Variants in PLCG2 observed in about 807,000 individuals in gnomAD.
The protein encoded by PLCG2 is phospholipase C gamma 2.
Under a neutral mutation model 175.6 loss-of-function variants are expected in PLCG2, and 69 were observed. That is an observed-to-expected ratio of 0.39 (90% confidence interval 0.32 to 0.48). PLCG2 has a LOEUF of 0.48. PLCG2 is among the 20% of genes least tolerant of loss of function. PLCG2 has a pLI of 0.91. For missense variants in PLCG2, 1,798 were observed against 1,650.9 expected (o/e 1.09, Z -1.54); for synonymous variants, 827 against 624.0 (o/e 1.33, Z -4.85).
chr16:81,953,873 G>A (rs1295891352), intron 31 of PLCG2, among the ~76,000 whole-genome samples: 1 of 152,130 alleles, frequency 6.6e-6, no homozygotes, highest in Non-Finnish European at 1.5e-5. Flanking sequence ...AGTTATAGAA[G>A]CATTCATAGA....
chr16:81,907,043 A>C (rs1909402520), intron 15 of PLCG2, among the ~76,000 whole-genome samples: 2 of 151,872 alleles, frequency 1.3e-5, no homozygotes, highest in East Asian at 1.9e-4. Flanking sequence ...TCTCAAAAAA[A>C]AAAAAAAAAA....
At chr16:81,940,457 T>C (rs1439852139) in intron 30 of PLCG2, among the ~76,000 whole-genome samples, 2 of 151,532 alleles carry the variant, frequency 1.3e-5, no homozygotes, top group East Asian at 3.9e-4. Context: ...TTTGGCATCT[T>C]GGGGGGGGAG....
At position 81,905,496 on chromosome 16, in the gene PLCG2, T is replaced by C; in HGVS notation, c.1456T>C (p.Ser486Pro). The stretch of plus-strand genomic sequence containing the variant: ...ACAGGGGGAGCTGTACATGTGGGAT[T>C]CCATTGACCAGGTGGGCCTTGGTCC... ...KQQGELYMWDSIDQKWTRHYC... is the reference protein window; with the variant it reads ...KQQGELYMWDPIDQKWTRHYC... The change falls in exon 15 of 33, where the codon TCC becomes CCC. Residue 486 changes from serine to proline, a missense_variant. Coordinates refer to ENST00000564138, the MANE Select transcript of PLCG2 (RefSeq NM_002661.5). The C allele has an allele frequency of 6.2e-7, 1 of 1,613,600 alleles. No individual in the cohort carries two copies. The highest frequency in any genetic ancestry group is 1.1e-5 in the South Asian group (1 of 91,050).
At chr16:81,862,918 A>C (rs55909816) in intron 5 of PLCG2, among the ~76,000 whole-genome samples, 51,971 of 151,796 alleles carry the variant, frequency 0.34, 10,148 homozygotes, top group Non-Finnish European at 0.46. Context: ...CGAAAATAAA[A>C]ACAATTGTGC....
intron 2 of PLCG2, among the ~76,000 whole-genome samples, chr16:81,801,772 C>T (rs1035829500): frequency 3.9e-5 from 6 of 152,042 alleles, no homozygotes; most frequent in South Asian, 4.1e-4. Context: ...CCTCCGCCTC[C>T]AGGGTTCAAG....
intron 1 of PLCG2, among the ~76,000 whole-genome samples, chr16:81,780,364 C>T (rs1040447947): frequency 2.0e-5 from 3 of 152,172 alleles, no homozygotes; most frequent in Non-Finnish European, 4.4e-5. Context: ...CGCTGAGAAT[C>T]GGGGCGCATC....
rs962152757 is a variant in PLCG2 at position 81,889,264 on chromosome 16, T to G, written c.858T>G (p.Phe286Leu). 9 of 1,589,934 alleles carry G rather than the reference T, an allele frequency of 5.7e-6. No individual in the cohort carries two copies. Among genetic ancestry groups the G allele is most frequent in the African/African-American group, 1.3e-5 (1 of 74,144 alleles). Reference protein sequence around the residue: ...TMRETAEPFLFVDEFLTYLFS... With the variant: ...TMRETAEPFLLVDEFLTYLFS... ...GTGAAACTGCTGAGCCTTTCTTGTT[T>G]GTGGATGAGGTGAGTAGGCTGGGCT... Residue 286 changes from phenylalanine (F) to leucine (L), a missense_variant, in exon 10 of 33, where the codon TTT (phenylalanine) becomes TTG (leucine). Phe to Leu is a conservative substitution (Grantham distance 22). Transcript: ENST00000564138.
At chr16:81,755,546 GAC>G (rs891423814) in intron 1 of PLCG2, among the ~76,000 whole-genome samples, 1 of 151,290 alleles carries the variant, frequency 6.6e-6, no homozygotes, top group African/African-American at 2.4e-5. Context: ...TATTTTTTGA[GAC>G]AGAGTTTCAC....
intron 30 of PLCG2, 142 bp downstream of exon 30, chr16:81,940,201 G>GGTGC (rs1260026286): frequency 1.5e-6 from 1 of 670,316 alleles, no homozygotes; most frequent in East Asian, 2.7e-5. Flanking sequence ...TTGGAGAGCA[G>GGTGC]GTGTACAGCC....
intron 6 of PLCG2, 37 bp from the exon 7 acceptor site, chr16:81,870,815 A>G (rs377755494): frequency 8.6e-6 from 10 of 1,159,478 alleles, no homozygotes; most frequent in Admixed American, 2.2e-5. Context: ...TACGGTGGAC[A>G]TCAAAAATCA....
intron 31 of PLCG2, among the ~76,000 whole-genome samples, chr16:81,949,365 T>C (rs1415487273): frequency 6.6e-6 from 1 of 152,172 alleles, no homozygotes. Flanking sequence ...AGGATAAATT[T>C]AAAAACCTGG....
At chr16:81,818,331 T>C (rs75381320) in intron 2 of PLCG2, among the ~76,000 whole-genome samples, 2 of 152,296 alleles carry the variant, frequency 1.3e-5, no homozygotes, top group East Asian at 3.9e-4. Flanking sequence ...CATTGTCATA[T>C]GGTGGTTATT....
intron 2 of PLCG2, among the ~76,000 whole-genome samples, chr16:81,850,000 T>C (rs1036279037): frequency 6.6e-6 from 1 of 152,218 alleles, no homozygotes; most frequent in Non-Finnish European, 1.5e-5. Context: ...GCCATGTTGA[T>C]TTCCTCTAAA....
intron 19 of PLCG2, among the ~76,000 whole-genome samples, chr16:81,912,951 A>G (rs1409677250): frequency 6.6e-6 from 1 of 152,246 alleles, no homozygotes; most frequent in Non-Finnish European, 1.5e-5. Flanking sequence ...TTTGGCTTCC[A>G]GTAACTCTGT....
chr16:81,781,540 T>A (rs1382411697), intron 1 of PLCG2, among the ~76,000 whole-genome samples: 1 of 152,254 alleles, frequency 6.6e-6, no homozygotes, highest in Non-Finnish European at 1.5e-5. Context: ...ATGCGTGTTT[T>A]GCTTTTTAGT....
At chr16:81,777,802 G>A (rs545985490), upstream of PLCG2, among the ~76,000 whole-genome samples, 2 of 151,980 alleles carry the variant, frequency 1.3e-5, no homozygotes, top group East Asian at 3.9e-4. Context: ...GATCACTTGA[G>A]GTCAGGAGTT....
intron 2 of PLCG2, among the ~76,000 whole-genome samples, chr16:81,821,815 G>C (rs1904811584): frequency 6.6e-6 from 1 of 151,970 alleles, no homozygotes. Context: ...AGGTTTTACT[G>C]CAAACAACTT....
At chr16:81,823,376 C>A (rs1042630517) in intron 2 of PLCG2, among the ~76,000 whole-genome samples, 3 of 152,194 alleles carry the variant, frequency 2.0e-5, no homozygotes, top group Non-Finnish European at 4.4e-5. Context: ...CCTGTCTGGC[C>A]AGTCCCTGAA....
rs377593433 is a variant in PLCG2, at chr16:81,947,877, G to A, written c.3570+1614G>A. ...GTCCCCCAGATAGCCTGTATCTAAC[G>A]ACCGTTACCATCTTGGTAGATTTCC... On this transcript the variant is annotated intron_variant, in intron 31 of 32. Coordinates refer to ENST00000564138, the MANE Select transcript of PLCG2 (RefSeq NM_002661.5). Among the ~76,000 whole-genome samples the A allele has an allele frequency of 1.4e-4, 22 of 152,122 alleles. No homozygotes were observed. In the South Asian group the frequency reaches 1.4e-3, roughly 10 times the overall value.
Sources: gnomAD v4.1 joint callset for allele counts (sites outside exome capture counted in the v4.1 genomes callset) on GRCh38, gnomAD v4.1.1 for gene constraint, MANE v1.5 for transcripts, NCBI Gene and HGNC (gene_info 2026-07-23, HGNC 2026-07-21) for gene names.